Variants in ADAMTS12 observed in about 807,000 individuals in gnomAD.
ADAMTS12 encodes the protein ADAM metallopeptidase with thrombospondin type 1 motif 12.
A neutral mutation model predicts 167.8 loss-of-function variants in ADAMTS12; 118 were observed. The observed-to-expected ratio is 0.70, with a 90% CI of 0.61 to 0.82. ADAMTS12 has a LOEUF of 0.82. Ranked by LOEUF, ADAMTS12 falls within the 40% of genes least tolerant of loss-of-function variation. The pLI, the probability that ADAMTS12 is intolerant of heterozygous loss-of-function variation, is 0.00. For missense variants in ADAMTS12, 1,916 were observed against 1,998.8 expected, an observed-to-expected ratio of 0.96 and a Z score of 0.79; for synonymous variants, 704 against 716.9, an observed-to-expected ratio of 0.98 and a Z score of 0.29.
chr5:33,854,867 G>C (rs773752864), intron 2 of ADAMTS12, among the ~76,000 whole-genome samples: 1 of 152,194 alleles, frequency 6.6e-6, no homozygotes, highest in Non-Finnish European at 1.5e-5. Context: ...TCAGAGGTCA[G>C]AGAGAATTCC....
At chr5:33,772,874 A>T (rs1745795972) in intron 2 of ADAMTS12, among the ~76,000 whole-genome samples, 1 of 152,226 alleles carries the variant, frequency 6.6e-6, no homozygotes, top group African/African-American at 2.4e-5. Flanking sequence ...TGCTAATATG[A>T]AGTGGGCAGT....
At chr5:33,776,809 G>T (rs1002792590) in intron 2 of ADAMTS12, among the ~76,000 whole-genome samples, 1 of 151,798 alleles carries the variant, frequency 6.6e-6, no homozygotes, top group Non-Finnish European at 1.5e-5. Context: ...AAAAAGAGAA[G>T]ACTTAAATAA....
chr5:33,675,806 T>C (rs2112245998), intron 5 of ADAMTS12, among the ~76,000 whole-genome samples: 1 of 152,326 alleles, frequency 6.6e-6, no homozygotes, highest in East Asian at 1.9e-4. Flanking sequence ...ATTTAATTTA[T>C]TGTATGCTCT....
At chr5:33,791,008 G>A (rs1442328051) in intron 2 of ADAMTS12, among the ~76,000 whole-genome samples, 2 of 151,912 alleles carry the variant, frequency 1.3e-5, no homozygotes, top group Admixed American at 6.6e-5. Context: ...CTCCACTACA[G>A]AGCATGCGGT....
rs113492154 is a variant in ADAMTS12, at chr5:33,807,049, T to A, written c.490-55501A>T. On this transcript the variant is annotated intron_variant, in intron 2 of 23. Transcript: ENST00000504830. ...GCTCTCAGAATAAATTCTGAATTCC[T>A]ACACACAGCGTACAAGGCCCTTTCT... 7.9e-3 allele frequency among the ~76,000 whole-genome samples: 1,208 copies of A among 152,332 alleles called. 18 individuals are homozygous for A. Among genetic ancestry groups the A allele is most frequent in the African/African-American group, 0.028 (1,172 of 41,578 alleles).
intron 2 of ADAMTS12, among the ~76,000 whole-genome samples, chr5:33,773,967 T>A (rs1745829352): frequency 6.6e-6 from 1 of 152,172 alleles, no homozygotes; most frequent in Non-Finnish European, 1.5e-5. Flanking sequence ...GCCATCCGCC[T>A]CACCTACAAA....
At chr5:33,755,944 A>G (rs947187642) in intron 2 of ADAMTS12, among the ~76,000 whole-genome samples, 1 of 152,238 alleles carries the variant, frequency 6.6e-6, no homozygotes, top group Non-Finnish European at 1.5e-5. Context: ...TGGAAAAGAC[A>G]TCACCTGTTC....
chr5:33,749,493 A>G (rs1213482369), intron 3 of ADAMTS12, among the ~76,000 whole-genome samples: 25 of 152,166 alleles, frequency 1.6e-4, no homozygotes. Context: ...ACTCTGGGGT[A>G]CTAAGCAGGT....
chr5:33,835,725 C>T (rs1165197444), intron 2 of ADAMTS12, among the ~76,000 whole-genome samples: 2 of 152,168 alleles, frequency 1.3e-5, no homozygotes, highest in Admixed American at 6.5e-5. Flanking sequence ...AGGATTTTAA[C>T]ATATCAATTT....
chr5:33,890,111 GC>G (rs780360887), intron 1 of ADAMTS12, among the ~76,000 whole-genome samples: 2 of 152,238 alleles, frequency 1.3e-5, no homozygotes, highest in South Asian at 2.1e-4. Flanking sequence ...TTTCCAGAGA[GC>G]AAAAACCATG....
At chr5:33,851,736 A>T (rs1412408341) in intron 2 of ADAMTS12, among the ~76,000 whole-genome samples, 1 of 152,248 alleles carries the variant, frequency 6.6e-6, no homozygotes, top group Non-Finnish European at 1.5e-5. Context: ...TAAATGAAGA[A>T]AAAAGATGCA....
At chr5:33,842,346 C>T (rs1034802703) in intron 2 of ADAMTS12, among the ~76,000 whole-genome samples, 1 of 152,146 alleles carries the variant, frequency 6.6e-6, no homozygotes, top group Non-Finnish European at 1.5e-5. Flanking sequence ...TTAAAAGGTG[C>T]TTTACTTAGG....
At chr5:33,710,032 C>T (rs1306567965) in intron 3 of ADAMTS12, among the ~76,000 whole-genome samples, 1 of 152,092 alleles carries the variant, frequency 6.6e-6, no homozygotes, top group Admixed American at 6.6e-5. Context: ...CTCTTCGAAG[C>T]CAATTCCTTA....
At chr5:33,530,718 T>G (rs947362946) in intron 23 of ADAMTS12, among the ~76,000 whole-genome samples, 1 of 152,194 alleles carries the variant, frequency 6.6e-6, no homozygotes, top group African/African-American at 2.4e-5. Flanking sequence ...CAGGCATTAT[T>G]GTATTACACA....
intron 2 of ADAMTS12, among the ~76,000 whole-genome samples, chr5:33,769,069 C>T (rs1173573623): frequency 1.3e-5 from 2 of 151,746 alleles, no homozygotes; most frequent in South Asian, 2.1e-4. Context: ...AAGACAGAGG[C>T]ACAACAGAAA....
At chr5:33,711,737 T>C (rs1386893671) in intron 3 of ADAMTS12, among the ~76,000 whole-genome samples, 3 of 152,184 alleles carry the variant, frequency 2.0e-5, no homozygotes, top group Non-Finnish European at 2.9e-5. Flanking sequence ...TTGTCAAATT[T>C]ATTGTCTTTC....
chr5:33,853,820 A>C (rs946346935), intron 2 of ADAMTS12, among the ~76,000 whole-genome samples: 2 of 152,234 alleles, frequency 1.3e-5, no homozygotes, highest in Non-Finnish European at 2.9e-5. Flanking sequence ...TCTTGTTAAA[A>C]TTTAGGTCTA....
intron 2 of ADAMTS12, among the ~76,000 whole-genome samples, chr5:33,873,183 A>G (rs1750104780): frequency 6.6e-6 from 1 of 151,846 alleles, no homozygotes; most frequent in African/African-American, 2.4e-5. Flanking sequence ...AAAAAAAAAA[A>G]ACACTCCTGA....
At chr5:33,718,327 A>T (rs1351910680) in intron 3 of ADAMTS12, among the ~76,000 whole-genome samples, 1 of 152,152 alleles carries the variant, frequency 6.6e-6, no homozygotes, top group Admixed American at 6.5e-5. Context: ...CATGGACCAG[A>T]ATGGTCCATG....
Sources: gnomAD v4.1 joint callset for allele counts (sites outside exome capture counted in the v4.1 genomes callset) on GRCh38, gnomAD v4.1.1 for gene constraint, MANE v1.5 for transcripts, NCBI Gene and HGNC (gene_info 2026-07-23, HGNC 2026-07-21) for gene names.